The following P3H2 variants were observed in gnomAD, a reference collection of about 807,000 sequenced individuals.
The protein encoded by P3H2 is prolyl 3-hydroxylase 2.
In P3H2, 80 loss-of-function variants were observed where a neutral mutation model predicts 87.0. The observed-to-expected ratio is 0.92, with a 90% CI of 0.77 to 1.11. P3H2 has a LOEUF of 1.11. Ranked by LOEUF, P3H2 falls within the 50% of genes least tolerant of loss-of-function variation. The pLI, the probability that P3H2 is intolerant of heterozygous loss-of-function variation, is 0.00. For missense variants in P3H2, 1,001 were observed against 923.9 expected (o/e 1.08, Z -1.08); for synonymous variants, 367 against 359.3 (o/e 1.02, Z -0.24).
At position 189,957,699 on chromosome 3, in the gene P3H2, G is replaced by T; in HGVS notation, c.*213C>A. The T allele has an allele frequency of 2.4e-6, 1 of 409,966 alleles. No homozygotes were observed. The highest frequency in any genetic ancestry group is 4.3e-6 in the Non-Finnish European group (1 of 231,846). The allele number at this position is 409,966 out of a possible 1,614,324, so 25.4% of individuals were successfully genotyped here. A position where few individuals can be genotyped will look rare whatever the true frequency, so the allele number is the denominator to read the frequency against. On this transcript the variant is annotated 3_prime_UTR_variant, in exon 15 of 15. Coordinates refer to ENST00000319332, the MANE Select transcript of P3H2 (RefSeq NM_018192.4). The stretch of plus-strand genomic sequence containing the variant: ...CAACATGGTTAGACCATGTCTCTAA[G>T]AAGAGAGAGAGAGAGAGAGAGAGAG...
intron 1 of P3H2, among the ~76,000 whole-genome samples, chr3:190,058,951 A>C (rs1339111851): frequency 6.6e-6 from 1 of 152,132 alleles, no homozygotes; most frequent in East Asian, 1.9e-4. Flanking sequence ...AGCTTAGTGG[A>C]TTGGGGAAGG....
At chr3:190,110,095 C>T (rs1712014533) in intron 1 of P3H2, among the ~76,000 whole-genome samples, 1 of 152,074 alleles carries the variant, frequency 6.6e-6, no homozygotes, top group African/African-American at 2.4e-5. Context: ...GTGATCCACG[C>T]TCCTCAGCCT....
At chr3:190,073,595 C>G (rs941863682) in intron 1 of P3H2, among the ~76,000 whole-genome samples, 1 of 152,078 alleles carries the variant, frequency 6.6e-6, no homozygotes, top group African/African-American at 2.4e-5. Flanking sequence ...GATTGAAGGT[C>G]GCTGACAGCA....
intron 1 of P3H2, among the ~76,000 whole-genome samples, chr3:189,995,744 A>C (rs1372311150): frequency 6.6e-6 from 1 of 152,136 alleles, no homozygotes; most frequent in Non-Finnish European, 1.5e-5. Context: ...TAAGATATAT[A>C]AAAAGCTGAA....
At position 190,107,411 on chromosome 3, in the gene P3H2, G is replaced by A. The variant is rs148291685; in HGVS notation, c.480+12841C>T. Among the ~76,000 whole-genome samples the A allele has an allele frequency of 1.4e-3, 214 of 152,238 alleles. 3 individuals carry two copies. In the East Asian group the frequency reaches 0.038, roughly 27 times the overall value. On this transcript the variant is annotated intron_variant, in intron 1 of 14. Transcript: ENST00000319332. ...TTTTTGTGTGAATAATTTAGTCTAC[G>A]AATAAGGATTTTAATTTCTCTATTT...
intron 1 of P3H2, among the ~76,000 whole-genome samples, chr3:190,014,786 A>C (rs543861397): frequency 7.4e-4 from 113 of 152,116 alleles, no homozygotes; most frequent in African/African-American, 2.6e-3. Context: ...GACTCTTTCC[A>C]TACTCCCCGG....
chr3:189,974,993 ACT>A (rs1723305492), intron 8 of P3H2, among the ~76,000 whole-genome samples: 1 of 151,872 alleles, frequency 6.6e-6, no homozygotes, highest in African/African-American at 2.4e-5. Context: ...ATCTCATAGG[ACT>A]CTCTTCTGAG....
intron 6 of P3H2, among the ~76,000 whole-genome samples, chr3:189,985,350 T>G (rs896379682): frequency 2.0e-5 from 3 of 151,596 alleles, no homozygotes; most frequent in Non-Finnish European, 4.4e-5. Flanking sequence ...CAAGTTAAAA[T>G]GATGTATTAT....
In P3H2 at chr3:190,117,250, C is replaced by G. The variant is rs114816697; in HGVS notation, c.480+3002G>C. Among the ~76,000 whole-genome samples, 1,323 of 152,312 alleles carry G rather than the reference C, an allele frequency of 8.7e-3. 14 individuals carry two copies. The highest frequency in any genetic ancestry group is 0.03 in the African/African-American group (1,254 of 41,564). On this transcript the variant is annotated intron_variant, in intron 1 of 14. Coordinates refer to ENST00000319332, the MANE Select transcript of P3H2 (RefSeq NM_018192.4). ...CATCTGTGAACCAAGAAATTGAACTCATTGGGTCTCAGATTTCATGATTTT... is the reference window on the plus strand; with the variant it reads ...CATCTGTGAACCAAGAAATTGAACTGATTGGGTCTCAGATTTCATGATTTT...
intron 2 of P3H2, 78 bp from the exon 3 acceptor site, chr3:189,994,361 G>A: frequency 2.4e-6 from 3 of 1,236,886 alleles, no homozygotes; most frequent in South Asian, 2.5e-5. Flanking sequence ...CAAAGAGAAG[G>A]GTTTTTGTTG....
At chr3:189,993,498 A>G (rs890338187) in intron 3 of P3H2, among the ~76,000 whole-genome samples, 1 of 152,270 alleles carries the variant, frequency 6.6e-6, no homozygotes. Flanking sequence ...TAACTAGCCA[A>G]TCTCCCAAAT....
chr3:190,058,704 G>A (rs2108965482), intron 1 of P3H2, among the ~76,000 whole-genome samples: 1 of 152,274 alleles, frequency 6.6e-6, no homozygotes, highest in South Asian at 2.1e-4. Context: ...ATGTAAACCA[G>A]TCAGCAAAAT....
intron 1 of P3H2, among the ~76,000 whole-genome samples, chr3:190,057,842 T>C (rs1327810183): frequency 6.6e-6 from 1 of 152,172 alleles, no homozygotes; most frequent in Non-Finnish European, 1.5e-5. Flanking sequence ...GAATCTATTT[T>C]CAGAGTGTAA....
At chr3:190,015,586 C>A (rs922049534) in intron 1 of P3H2, among the ~76,000 whole-genome samples, 10 of 152,058 alleles carry the variant, frequency 6.6e-5, no homozygotes, top group African/African-American at 2.4e-4. Context: ...TTCTTTCGAC[C>A]AACCTTGAAC....
At chr3:190,014,029 T>G (rs1010390274) in intron 1 of P3H2, among the ~76,000 whole-genome samples, 3 of 151,998 alleles carry the variant, frequency 2.0e-5, no homozygotes, top group Admixed American at 6.6e-5. Flanking sequence ...GAAAAAAAAA[T>G]TTGGTGGCAA....
chr3:190,040,988 A>T (rs574497405), intron 1 of P3H2, among the ~76,000 whole-genome samples: 1 of 134,788 alleles, frequency 7.4e-6, no homozygotes, highest in East Asian at 2.3e-4. Context: ...GTTAAAGATC[A>T]GCCTGGGCAA....
intron 1 of P3H2, among the ~76,000 whole-genome samples, chr3:190,037,371 A>G (rs1725458568): frequency 6.6e-6 from 1 of 152,038 alleles, no homozygotes; most frequent in Admixed American, 6.6e-5. Context: ...CTCCCCAGAA[A>G]GATGATCACA....
chr3:190,105,648 C>T (rs949958444), intron 1 of P3H2, among the ~76,000 whole-genome samples: 3 of 152,208 alleles, frequency 2.0e-5, no homozygotes, highest in African/African-American at 7.2e-5. Flanking sequence ...AACTTTTAAA[C>T]TAATTTATGT....
At chr3:190,064,834 A>G (rs898134008) in intron 1 of P3H2, among the ~76,000 whole-genome samples, 4 of 152,192 alleles carry the variant, frequency 2.6e-5, no homozygotes, top group African/African-American at 7.2e-5. Flanking sequence ...ATCAGAGGCT[A>G]TAAGATAAGC....
Sources: allele counts gnomAD v4.1 joint callset (sites outside exome capture counted in the v4.1 genomes callset), GRCh38; gene constraint gnomAD v4.1.1; transcripts MANE v1.5; gene names NCBI Gene and HGNC (gene_info 2026-07-23, HGNC 2026-07-21).